The following SLC24A3 variants were observed in gnomAD, a reference collection of about 807,000 sequenced individuals.
SLC24A3 encodes sodium/potassium/calcium exchanger 3.
SLC24A3 carries 28 observed loss-of-function variants against 75.8 expected under a neutral mutation model. The ratio of observed to expected loss-of-function variants is 0.37; its 90% CI spans 0.27 to 0.51. The LOEUF is 0.51. SLC24A3 is among the 20% of genes least tolerant of loss of function. The probability of loss-of-function intolerance (pLI) is 0.94; values close to 1 mark genes in which losing one functional copy is unlikely to be tolerated. For missense variants in SLC24A3, 663 were observed against 847.8 expected (o/e 0.78, Z 2.71); for synonymous variants, 372 against 334.1 (o/e 1.11, Z -1.24).
chr20:19,336,198 G>A (rs746348727), intron 2 of SLC24A3, among the ~76,000 whole-genome samples: 2 of 152,050 alleles, frequency 1.3e-5, no homozygotes, highest in African/African-American at 4.8e-5. Context: ...GCCAGGGCTC[G>A]GGAAACTACC....
At chr20:19,258,948 G>A (rs754966299) in intron 1 of SLC24A3, among the ~76,000 whole-genome samples, 1 of 152,162 alleles carries the variant, frequency 6.6e-6, no homozygotes, top group Non-Finnish European at 1.5e-5. Flanking sequence ...AGAGAAATGA[G>A]CCATTTCACT....
chr20:19,263,561 G>A (rs984773312), intron 1 of SLC24A3, among the ~76,000 whole-genome samples: 1 of 152,198 alleles, frequency 6.6e-6, no homozygotes, highest in Non-Finnish European at 1.5e-5. Context: ...CGTTTCTCAG[G>A]CGCAGGTGGT....
At chr20:19,285,755 T>C (rs1350171760) in intron 2 of SLC24A3, among the ~76,000 whole-genome samples, 1 of 152,026 alleles carries the variant, frequency 6.6e-6, no homozygotes, top group African/African-American at 2.4e-5. Flanking sequence ...TTTACTCAGA[T>C]GACCTATTAA....
At chr20:19,621,341 C>G (rs2031802151) in intron 6 of SLC24A3, among the ~76,000 whole-genome samples, 1 of 152,182 alleles carries the variant, frequency 6.6e-6, no homozygotes. Context: ...GACTCATCCC[C>G]TCAACAGTAA....
chr20:19,469,298 G>C (rs927183079), intron 2 of SLC24A3, among the ~76,000 whole-genome samples: 1 of 152,170 alleles, frequency 6.6e-6, no homozygotes, highest in Non-Finnish European at 1.5e-5. Flanking sequence ...CAAGGAGATG[G>C]AGAAATGGTT....
At chr20:19,611,632 A>G (rs755627985) in intron 6 of SLC24A3, among the ~76,000 whole-genome samples, 1 of 152,224 alleles carries the variant, frequency 6.6e-6, no homozygotes, top group Non-Finnish European at 1.5e-5. Flanking sequence ...TAACCAGACC[A>G]TCTTCCAGAA....
intron 2 of SLC24A3, among the ~76,000 whole-genome samples, chr20:19,317,303 A>G (rs1352593760): frequency 6.6e-6 from 1 of 152,236 alleles, no homozygotes; most frequent in Non-Finnish European, 1.5e-5. Context: ...TTGCAAGGAA[A>G]GCAAAAATTG....
At chr20:19,361,360 C>A (rs1349630787) in intron 2 of SLC24A3, among the ~76,000 whole-genome samples, 1 of 152,122 alleles carries the variant, frequency 6.6e-6, no homozygotes, top group Non-Finnish European at 1.5e-5. Flanking sequence ...CAATCCCATC[C>A]AGATAGTTGC....
chr20:19,452,936 C>A (rs1456972017), intron 2 of SLC24A3, among the ~76,000 whole-genome samples: 1 of 152,182 alleles, frequency 6.6e-6, no homozygotes, highest in Non-Finnish European at 1.5e-5. Context: ...ATAATCCCAG[C>A]ACTTTGGGAG....
chr20:19,433,800 C>T (rs1290363447), intron 2 of SLC24A3, among the ~76,000 whole-genome samples: 1 of 152,216 alleles, frequency 6.6e-6, no homozygotes, highest in Non-Finnish European at 1.5e-5. Flanking sequence ...TAATGTCTCT[C>T]TAGGCCCCAT....
intron 2 of SLC24A3, among the ~76,000 whole-genome samples, chr20:19,508,241 G>A (rs1211940519): frequency 6.6e-6 from 1 of 152,190 alleles, no homozygotes; most frequent in Non-Finnish European, 1.5e-5. Context: ...ACTGCAGGGG[G>A]AAGCTGGGTA....
chr20:19,612,814 C>T (rs1297803149), intron 6 of SLC24A3, among the ~76,000 whole-genome samples: 1 of 152,150 alleles, frequency 6.6e-6, no homozygotes, highest in East Asian at 1.9e-4. Flanking sequence ...CCCCACCAAG[C>T]ACTCAGAATC....
At chr20:19,663,670 A>C (rs1163644354) in intron 7 of SLC24A3, among the ~76,000 whole-genome samples, 1 of 151,626 alleles carries the variant, frequency 6.6e-6, no homozygotes, top group Non-Finnish European at 1.5e-5. Context: ...CATATCCCCA[A>C]CCACAGCTCC....
intron 2 of SLC24A3, among the ~76,000 whole-genome samples, chr20:19,413,554 G>A (rs911337770): frequency 6.6e-6 from 1 of 152,004 alleles, no homozygotes; most frequent in Non-Finnish European, 1.5e-5. Flanking sequence ...TGCACTGATT[G>A]CCCCCCTGGT....
At chr20:19,342,616 A>T (rs893267237) in intron 2 of SLC24A3, among the ~76,000 whole-genome samples, 1 of 152,244 alleles carries the variant, frequency 6.6e-6, no homozygotes, top group Non-Finnish European at 1.5e-5. Flanking sequence ...GTATGTACCA[A>T]ATGTTAAGAA....
intron 13 of SLC24A3, chr20:19,693,789 A>G (rs2032773851): frequency 5.5e-6 from 1 of 183,360 alleles, no homozygotes; most frequent in African/African-American, 2.3e-5. Context: ...ACAGTGCATC[A>G]TTAGAATGCA....
At chr20:19,477,051 A>C (rs979259543) in intron 2 of SLC24A3, among the ~76,000 whole-genome samples, 1 of 152,096 alleles carries the variant, frequency 6.6e-6, no homozygotes, top group South Asian at 2.1e-4. Context: ...GCCTAGCCAT[A>C]GTAAGGACTG....
At chr20:19,475,974 T>C (rs1987955651) in intron 2 of SLC24A3, among the ~76,000 whole-genome samples, 2 of 152,172 alleles carry the variant, frequency 1.3e-5, no homozygotes, top group Admixed American at 1.3e-4. Context: ...TCTATAACAA[T>C]GGGAATAGCC....
intron 6 of SLC24A3, among the ~76,000 whole-genome samples, chr20:19,592,280 G>T (rs1364053540): frequency 6.6e-6 from 1 of 152,060 alleles, no homozygotes; most frequent in Admixed American, 6.5e-5. Context: ...TTAAATCATT[G>T]CCCATTTGTT....
Sources: gnomAD v4.1 joint callset for allele counts (sites outside exome capture counted in the v4.1 genomes callset) on GRCh38, gnomAD v4.1.1 for gene constraint, MANE v1.5 for transcripts, NCBI Gene and HGNC (gene_info 2026-07-23, HGNC 2026-07-21) for gene names.